The following GLRA3 variants were observed in gnomAD, a reference collection of about 807,000 sequenced individuals.
The protein encoded by GLRA3 is glycine receptor alpha 3, also known as glycine receptor subunit alpha-3.
Under a neutral mutation model 60.4 loss-of-function variants are expected in GLRA3, and 44 were observed. The ratio of observed to expected loss-of-function variants is 0.73; its 90% CI spans 0.57 to 0.94. The LOEUF is 0.94. Ranked by LOEUF, GLRA3 falls within the 40% of genes least tolerant of loss-of-function variation. The pLI is 0.00. For missense variants in GLRA3, 508 were observed against 564.6 expected (o/e 0.90, Z 1.02); for synonymous variants, 223 against 192.9 (o/e 1.16, Z -1.29).
intron 3 of GLRA3, among the ~76,000 whole-genome samples, chr4:174,730,278 T>C (rs1257323283): frequency 6.6e-6 from 1 of 152,164 alleles, no homozygotes; most frequent in Non-Finnish European, 1.5e-5. Context: ...GCTCCATGGT[T>C]GGTGGCCAGT....
At chr4:174,761,746 G>T (rs1296624518) in intron 3 of GLRA3, among the ~76,000 whole-genome samples, 1 of 152,088 alleles carries the variant, frequency 6.6e-6, no homozygotes, top group African/African-American at 2.4e-5. Context: ...AGACTGTGAG[G>T]GGTAGGATTT....
rs139323119 is a variant in GLRA3, at chr4:174,649,344, A to T, written c.1117-5280T>A. 2.7e-4 allele frequency among the ~76,000 whole-genome samples: 41 copies of T among 152,288 alleles called. No homozygotes were observed. The East Asian group carries it at 7.7e-3, about 29-fold the overall frequency. The stretch of plus-strand genomic sequence containing the variant: ...GTCACACTAAAAACTGTAGGTAGGA[A>T]AAAAGAGAGTAAGATATACTCAGTA... On this transcript the variant is annotated intron_variant, in intron 9 of 9. Transcript: ENST00000274093.
chr4:174,685,234 G>A (rs897194449), intron 5 of GLRA3, among the ~76,000 whole-genome samples: 6 of 152,130 alleles, frequency 3.9e-5, no homozygotes, highest in East Asian at 1.9e-4. Context: ...CAATACCTGG[G>A]AAAAACTCTC....
intron 3 of GLRA3, among the ~76,000 whole-genome samples, chr4:174,733,805 A>G (rs1474845500): frequency 9.9e-5 from 15 of 152,146 alleles, no homozygotes; most frequent in Admixed American, 9.8e-4. Context: ...TCTTGTCTCT[A>G]GGACCCGTGA....
chr4:174,818,947 T>C (rs1414490898), intron 1 of GLRA3, among the ~76,000 whole-genome samples: 2 of 152,228 alleles, frequency 1.3e-5, no homozygotes, highest in African/African-American at 4.8e-5. Context: ...AAAGGCAGAT[T>C]GTCTCTAAGT....
chr4:174,679,130 G>A (rs970837434), intron 6 of GLRA3, among the ~76,000 whole-genome samples: 2 of 152,088 alleles, frequency 1.3e-5, no homozygotes, highest in Non-Finnish European at 1.5e-5. Context: ...AGGAGATGGA[G>A]ACCAACCTGG....
In GLRA3 at chr4:174,643,477, T is replaced by C; in HGVS notation, c.*309A>G. 1.1e-6 allele frequency: 1 copy of C among 911,966 alleles called. No homozygotes were observed. Among genetic ancestry groups the C allele is most frequent in the Non-Finnish European group, 1.3e-6 (1 of 792,326 alleles). The allele number at this position is 911,966 out of a possible 1,614,324, so 56.5% of individuals were successfully genotyped here. A position where few individuals can be genotyped will look rare whatever the true frequency, so the allele number is the denominator to read the frequency against. ...TTCAAAGTAGTTTTCATGTCTACTATTATGAGATATTATATAACATATAAA... is the reference window on the plus strand; with the variant it reads ...TTCAAAGTAGTTTTCATGTCTACTACTATGAGATATTATATAACATATAAA... On this transcript the variant is annotated 3_prime_UTR_variant, in exon 10 of 10. Transcript: ENST00000274093.
At chr4:174,807,441 C>T (rs1379262913) in intron 1 of GLRA3, among the ~76,000 whole-genome samples, 1 of 151,842 alleles carries the variant, frequency 6.6e-6, no homozygotes, top group Non-Finnish European at 1.5e-5. Context: ...TTACAAGTTT[C>T]TGGGAGATGA....
intron 3 of GLRA3, among the ~76,000 whole-genome samples, chr4:174,757,383 A>G (rs1366830730): frequency 1.3e-5 from 2 of 152,166 alleles, no homozygotes; most frequent in African/African-American, 4.8e-5. Flanking sequence ...CTGGGTTTCT[A>G]CTACCATTCT....
intron 3 of GLRA3, among the ~76,000 whole-genome samples, chr4:174,744,776 C>G (rs1417630176): frequency 6.6e-6 from 1 of 152,038 alleles, no homozygotes; most frequent in Non-Finnish European, 1.5e-5. Flanking sequence ...CAAGGGAACA[C>G]AATAATTCCT....
At chr4:174,780,149 G>A (rs1171601991) in intron 2 of GLRA3, among the ~76,000 whole-genome samples, 7 of 147,976 alleles carry the variant, frequency 4.7e-5, no homozygotes, top group African/African-American at 1.5e-4. Context: ...AGAGAGTGGG[G>A]GCCAATATTC....
At chr4:174,779,222 AGG>A (rs2111271566) in intron 2 of GLRA3, among the ~76,000 whole-genome samples, 1 of 152,286 alleles carries the variant, frequency 6.6e-6, no homozygotes, top group African/African-American at 2.4e-5. Flanking sequence ...CTCACACGGC[AGG>A]GTACTCCAAC....
At chr4:174,820,245 A>G (rs756488065) in intron 1 of GLRA3, among the ~76,000 whole-genome samples, 1 of 152,336 alleles carries the variant, frequency 6.6e-6, no homozygotes, top group Non-Finnish European at 1.5e-5. Context: ...ATTAGGAATA[A>G]AGAAAAATAA....
chr4:174,700,701 G>A (rs1266397017), intron 5 of GLRA3, among the ~76,000 whole-genome samples: 1 of 152,192 alleles, frequency 6.6e-6, no homozygotes, highest in Non-Finnish European at 1.5e-5. Context: ...GAAATTAACA[G>A]TGCTACTGCA....
At position 174,663,021 on chromosome 4, in the gene GLRA3, G is replaced by A. The variant is rs574582880; in HGVS notation, c.928-3824C>T. On this transcript the variant is annotated intron_variant, in intron 7 of 9. Coordinates refer to ENST00000274093, the MANE Select transcript of GLRA3 (RefSeq NM_006529.4). ...GAAACTGAATCATAGATGACATATGGAGATTCACTTTCTGGAGCAATGCTT... is the reference window on the plus strand; with the variant it reads ...GAAACTGAATCATAGATGACATATGAAGATTCACTTTCTGGAGCAATGCTT... Among the ~76,000 whole-genome samples the A allele has an allele frequency of 2.0e-5, 3 of 152,100 alleles. No homozygotes were observed. The South Asian group carries it at 6.2e-4, about 32-fold the overall frequency.
intron 1 of GLRA3, among the ~76,000 whole-genome samples, chr4:174,798,811 C>G (rs912900202): frequency 6.6e-6 from 1 of 152,178 alleles, no homozygotes; most frequent in East Asian, 1.9e-4. Flanking sequence ...GTAGTCCCAG[C>G]TACTCGGGAG....
intron 3 of GLRA3, among the ~76,000 whole-genome samples, chr4:174,752,439 G>T (rs981550635): frequency 2.6e-5 from 4 of 152,134 alleles, no homozygotes; most frequent in Admixed American, 1.3e-4. Context: ...CAGTTCCGAG[G>T]CTTCCTGAGA....
At chr4:174,668,461 C>T (rs1733765733) in intron 7 of GLRA3, among the ~76,000 whole-genome samples, 1 of 152,032 alleles carries the variant, frequency 6.6e-6, no homozygotes, top group Non-Finnish European at 1.5e-5. Flanking sequence ...AGAGACCTGC[C>T]GAGATGTATG....
chr4:174,805,109 T>A (rs1055666522), intron 1 of GLRA3, among the ~76,000 whole-genome samples: 4 of 152,242 alleles, frequency 2.6e-5, no homozygotes, highest in African/African-American at 9.6e-5. Flanking sequence ...CAGGCTGCTT[T>A]TTGTTAAAAA....
Sources: allele counts gnomAD v4.1 joint callset (sites outside exome capture counted in the v4.1 genomes callset), GRCh38; gene constraint gnomAD v4.1.1; transcripts MANE v1.5; gene names NCBI Gene and HGNC (gene_info 2026-07-23, HGNC 2026-07-21).